PKHD1: variants seen among roughly 807,000 people sequenced by gnomAD.
PKHD1 encodes fibrocystin.
Under a neutral mutation model 412.0 loss-of-function variants are expected in PKHD1, and 291 were observed. The observed-to-expected ratio is 0.71, with a 90% CI of 0.64 to 0.78. The LOEUF (loss-of-function observed/expected upper bound fraction) is 0.78, where lower values mean the gene tolerates loss of function less well. Among genes scored for constraint, PKHD1 ranks in the 30% least tolerant of loss-of-function variants. The probability of loss-of-function intolerance (pLI) is 0.00; values close to 1 mark genes in which losing one functional copy is unlikely to be tolerated. For synonymous variants in PKHD1, 1,777 were observed against 1,821.5 expected, an observed-to-expected ratio of 0.98 and a Z score of 0.62; for missense variants, 4,825 against 4,950.7, an observed-to-expected ratio of 0.97 and a Z score of 0.76.
chr6:51,642,082 T>C (rs1380522620), intron 63 of PKHD1, among the ~76,000 whole-genome samples: 1 of 152,044 alleles, frequency 6.6e-6, no homozygotes, highest in Non-Finnish European at 1.5e-5. Flanking sequence ...AAAGAGTAAA[T>C]GGTTTCATGC....
At chr6:51,892,734 T>C (rs1352858045) in intron 43 of PKHD1, among the ~76,000 whole-genome samples, 1 of 152,188 alleles carries the variant, frequency 6.6e-6, no homozygotes, top group Admixed American at 6.5e-5. Flanking sequence ...ATTGATATCA[T>C]TTAAAACCAT....
chr6:51,854,410 G>GC (rs944817622), intron 49 of PKHD1, among the ~76,000 whole-genome samples: 3 of 152,092 alleles, frequency 2.0e-5, no homozygotes, highest in Non-Finnish European at 4.4e-5. Context: ...CAGTTTGGTG[G>GC]CATGAGGAGC....
intron 11 of PKHD1, among the ~76,000 whole-genome samples, chr6:52,069,153 T>C (rs1810204651): frequency 6.6e-6 from 1 of 152,240 alleles, no homozygotes; most frequent in African/African-American, 2.4e-5. Context: ...TTAAGACTTT[T>C]TAAGTGCCAC....
intron 52 of PKHD1, among the ~76,000 whole-genome samples, chr6:51,805,313 G>A (rs924690797): frequency 6.6e-6 from 1 of 151,914 alleles, no homozygotes; most frequent in Admixed American, 6.6e-5. Flanking sequence ...TCACTTATAA[G>A]TGGAGGTAAG....
At chr6:52,084,276 G>A (rs1812436039) in intron 2 of PKHD1, among the ~76,000 whole-genome samples, 1 of 152,190 alleles carries the variant, frequency 6.6e-6, no homozygotes, top group African/African-American at 2.4e-5. Context: ...AAGGTGGTGG[G>A]GAACCACGTC....
chr6:51,890,644 G>A lies in PKHD1; in HGVS notation c.6997-3399C>T, dbSNP rs374749894. On this transcript the variant is annotated intron_variant, in intron 43 of 66. Coordinates refer to ENST00000371117, the MANE Select transcript of PKHD1 (RefSeq NM_138694.4). ...CTTGCAGGCCAGATTTAACTAAGGA[G>A]TTGCTCTTTTCACACCCCAAATCCA... 1.9e-4 allele frequency among the ~76,000 whole-genome samples: 29 copies of A among 152,176 alleles called. No individual in the cohort carries two copies. The South Asian group carries it at 6.0e-3, about 32-fold the overall frequency.
At chr6:51,822,663 A>G (rs989556863) in intron 52 of PKHD1, among the ~76,000 whole-genome samples, 1 of 152,014 alleles carries the variant, frequency 6.6e-6, no homozygotes, top group Non-Finnish European at 1.5e-5. Flanking sequence ...TCTGGTCCAC[A>G]TTTCCCGTTA....
intron 36 of PKHD1, among the ~76,000 whole-genome samples, chr6:51,946,073 C>G (rs184916598): frequency 2.5e-4 from 38 of 152,284 alleles, no homozygotes; most frequent in Admixed American, 2.4e-3. Flanking sequence ...AATATATAAA[C>G]ATGGGCTTTG....
intron 60 of PKHD1, among the ~76,000 whole-genome samples, chr6:51,692,724 C>A (rs1358102653): frequency 6.6e-6 from 1 of 152,034 alleles, no homozygotes; most frequent in African/African-American, 2.4e-5. Context: ...TTTCCACTTA[C>A]TGTCAAACTC....
intron 36 of PKHD1, among the ~76,000 whole-genome samples, chr6:51,936,684 T>G (rs1254979239): frequency 1.3e-5 from 2 of 152,226 alleles, no homozygotes; most frequent in Admixed American, 1.3e-4. Flanking sequence ...GTTCAGGCCA[T>G]GACGGGGAGT....
intron 35 of PKHD1, among the ~76,000 whole-genome samples, chr6:51,992,357 C>T (rs1797142451): frequency 6.6e-6 from 1 of 152,188 alleles, no homozygotes; most frequent in Non-Finnish European, 1.5e-5. Context: ...CTTCCCAAAA[C>T]AGCGATTACA....
At chr6:51,743,008 G>A (rs369680809) in intron 60 of PKHD1, among the ~76,000 whole-genome samples, 10 of 152,044 alleles carry the variant, frequency 6.6e-5, no homozygotes, top group East Asian at 3.9e-4. Flanking sequence ...CATGTTAAAC[G>A]AAAAATAAGA....
At chr6:51,919,614 T>TG (rs1784380173) in intron 37 of PKHD1, among the ~76,000 whole-genome samples, 1 of 152,346 alleles carries the variant, frequency 6.6e-6, no homozygotes, top group East Asian at 1.9e-4. Flanking sequence ...AAATGCAGGC[T>TG]CTTTTTTGGT....
intron 57 of PKHD1, among the ~76,000 whole-genome samples, chr6:51,751,077 T>A (rs1208570236): frequency 6.6e-6 from 1 of 152,182 alleles, no homozygotes; most frequent in Non-Finnish European, 1.5e-5. Context: ...GTGCCCAGCC[T>A]GAATGAAGCA....
chr6:51,678,771 C>A (rs548287336), intron 60 of PKHD1, among the ~76,000 whole-genome samples: 2 of 152,132 alleles, frequency 1.3e-5, no homozygotes, highest in African/African-American at 4.8e-5. Context: ...ATAATATTCG[C>A]CATCATCACC....
chr6:51,784,146 T>C (rs1345884187), intron 53 of PKHD1, among the ~76,000 whole-genome samples: 1 of 152,186 alleles, frequency 6.6e-6, no homozygotes, highest in Non-Finnish European at 1.5e-5. Flanking sequence ...ATTCATATCA[T>C]TACCGAATGC....
chr6:52,069,376 A>C (rs1289415285), intron 11 of PKHD1, 81 bp downstream of exon 11: 2 of 1,012,372 alleles, frequency 2.0e-6, no homozygotes, highest in African/African-American at 3.2e-5. Context: ...GGTCATCAAG[A>C]AATGGCCAAA....
intron 60 of PKHD1, among the ~76,000 whole-genome samples, chr6:51,738,700 C>T (rs1193362619): frequency 6.6e-6 from 1 of 152,172 alleles, no homozygotes; most frequent in Non-Finnish European, 1.5e-5. Context: ...TGGCTCCTGT[C>T]TATCTGCAAC....
At chr6:51,654,284 T>G (rs1771454033) in intron 61 of PKHD1, among the ~76,000 whole-genome samples, 1 of 152,132 alleles carries the variant, frequency 6.6e-6, no homozygotes, top group South Asian at 2.1e-4. Flanking sequence ...CATAGAGAAT[T>G]AATGATTTAT....
Sources: allele counts gnomAD v4.1 joint callset (sites outside exome capture counted in the v4.1 genomes callset), GRCh38; gene constraint gnomAD v4.1.1; transcripts MANE v1.5; gene names NCBI Gene and HGNC (gene_info 2026-07-23, HGNC 2026-07-21).